Variants in PKD1L1 observed in about 807,000 individuals in gnomAD.
PKD1L1 encodes polycystin-1-like protein 1.
PKD1L1 carries 236 observed loss-of-function variants against 323.4 expected under a neutral mutation model. The ratio of observed to expected loss-of-function variants is 0.73; its 90% CI spans 0.66 to 0.81. PKD1L1 has a LOEUF of 0.81. PKD1L1 is among the 40% of genes least tolerant of loss of function. The probability of loss-of-function intolerance (pLI) is 0.00; values close to 1 mark genes in which losing one functional copy is unlikely to be tolerated. For missense variants in PKD1L1, 3,320 were observed against 3,508.0 expected (o/e 0.95, Z 1.35); for synonymous variants, 1,344 against 1,335.0 (o/e 1.01, Z -0.15).
chr7:47,866,798 T>C (rs1382877075), intron 24 of PKD1L1, among the ~76,000 whole-genome samples, 184 bp from the exon 25 acceptor site: 3 of 152,116 alleles, frequency 2.0e-5, no homozygotes, highest in Non-Finnish European at 4.4e-5. Flanking sequence ...CTGTAAGTCA[T>C]AATATAAAAT....
At chr7:47,922,180 C>T (rs1005976633) in intron 7 of PKD1L1, among the ~76,000 whole-genome samples, 5 of 152,236 alleles carry the variant, frequency 3.3e-5, no homozygotes, top group Non-Finnish European at 7.3e-5. Context: ...TCCCGAGGTG[C>T]CGGGATTGCA....
intron 44 of PKD1L1, 63 bp from the exon 45 acceptor site, chr7:47,827,531 GC>G: frequency 3.6e-6 from 5 of 1,399,062 alleles, no homozygotes; most frequent in Non-Finnish European, 4.9e-6. Context: ...GGCCCCTGGT[GC>G]TCCTGCCAAG....
At chr7:47,916,692 T>C (rs904008232) in intron 7 of PKD1L1, among the ~76,000 whole-genome samples, 2 of 152,150 alleles carry the variant, frequency 1.3e-5, no homozygotes, top group South Asian at 4.1e-4. Context: ...TGGAATCTGG[T>C]AGACTCGCTG....
chr7:47,812,010 A>G lies in PKD1L1; in HGVS notation c.7388T>C (p.Met2463Thr), dbSNP rs1784908329. 1 of 1,582,980 alleles carries G rather than the reference A, an allele frequency of 6.3e-7. No homozygotes were observed. Among genetic ancestry groups the G allele is most frequent in the Non-Finnish European group, 8.6e-7 (1 of 1,164,456 alleles). The part of the protein sequence containing the change: ...HTALSRLRAS[M>T]WIDRSTRAVS... ...AGCCCTGGTGCTGCGGTCAATCCAC[A>G]TGCTGGCCCTGAGTCGGGACAGGGC... The change falls in exon 50 of 57, where the codon ATG (methionine) becomes ACG (threonine). Residue 2463 changes from methionine to threonine, a missense_variant. Met to Thr is a moderately conservative substitution (Grantham distance 81). Transcript: ENST00000289672.
intron 52 of PKD1L1, among the ~76,000 whole-genome samples, chr7:47,805,094 CA>C (rs1784749452): frequency 1.1e-5 from 1 of 89,600 alleles, no homozygotes; most frequent in Non-Finnish European, 2.5e-5. Context: ...AATACACACA[CA>C]CACACACACA....
intron 32 of PKD1L1, among the ~76,000 whole-genome samples, chr7:47,846,427 T>C: frequency 6.6e-6 from 1 of 152,024 alleles, no homozygotes; most frequent in Non-Finnish European, 1.5e-5. Flanking sequence ...CTGTGGAGGG[T>C]CCTCTGAAGA....
At chr7:47,854,212 G>A (rs1211778559) in intron 30 of PKD1L1, among the ~76,000 whole-genome samples, 2 of 152,084 alleles carry the variant, frequency 1.3e-5, no homozygotes, top group African/African-American at 4.8e-5. Context: ...CCTTGCTCAC[G>A]AGAACCCTTT....
intron 13 of PKD1L1, among the ~76,000 whole-genome samples, chr7:47,901,274 G>A (rs2128750453): frequency 7.1e-6 from 1 of 141,092 alleles, no homozygotes; most frequent in Middle Eastern, 3.9e-3. Flanking sequence ...GGAGGCAGAG[G>A]TTATAGTGAG....
At chr7:47,858,106 A>G (rs779804575) in intron 27 of PKD1L1, among the ~76,000 whole-genome samples, 1 of 152,134 alleles carries the variant, frequency 6.6e-6, no homozygotes, top group Non-Finnish European at 1.5e-5. Context: ...CATCCGTTAA[A>G]TAAGCCAGCA....
intron 50 of PKD1L1, among the ~76,000 whole-genome samples, chr7:47,810,336 T>A (rs1584958678): frequency 6.6e-6 from 1 of 152,188 alleles, no homozygotes; most frequent in Admixed American, 6.5e-5. Context: ...GGAAAACTGA[T>A]CCTGCCATTG....
intron 28 of PKD1L1, among the ~76,000 whole-genome samples, chr7:47,855,959 C>T (rs1785895345): frequency 6.7e-6 from 1 of 149,698 alleles, no homozygotes; most frequent in Admixed American, 6.7e-5. Flanking sequence ...TCATAGAAAT[C>T]ATATTTCAGG....
chr7:47,902,086 T>C (rs1223253914), intron 13 of PKD1L1, among the ~76,000 whole-genome samples: 1 of 142,772 alleles, frequency 7.0e-6, no homozygotes, highest in Non-Finnish European at 1.5e-5. Flanking sequence ...CTCCTTAAAG[T>C]GAGCTGTGCT....
chr7:47,828,201 C>A (rs921518071), intron 44 of PKD1L1, among the ~76,000 whole-genome samples: 1 of 152,094 alleles, frequency 6.6e-6, no homozygotes, highest in African/African-American at 2.4e-5. Context: ...TGTAGGGGGG[C>A]ACCCCAACTC....
At position 47,827,477 on chromosome 7, in the gene PKD1L1, G is replaced by T; in HGVS notation, c.6736-9C>A. ...TGTCGGGCAGCCAAGACCTGTCAGG[G>T]ACAAGAGTGCTGTGAGCTGCGGGCT... is the stretch of plus-strand genomic sequence containing the variant. On this transcript the variant is annotated splice_polypyrimidine_tract_variant and intron_variant, in intron 44 of 56. Transcript: ENST00000289672. The T allele has an allele frequency of 1.9e-6, 3 of 1,603,168 alleles. No homozygotes were observed. The highest frequency in any genetic ancestry group is 1.1e-5 in the South Asian group (1 of 89,940).
rs75305366 is a variant in PKD1L1 at position 47,936,897 on chromosome 7, A to G, written c.347T>C (p.Val116Ala). ...AGGCGCCTGTGTTTTTTCATTAACAACAGCCTGTGTTTTTTCATTAACAAC... is the reference window on the plus strand; with the variant it reads ...AGGCGCCTGTGTTTTTTCATTAACAGCAGCCTGTGTTTTTTCATTAACAAC... ...LSVVNEKTQA[V>A]VNEKTQAPLD... The change falls in exon 4 of 57, where the codon GTT (valine) becomes GCT (alanine). Residue 116 changes from valine to alanine, a missense_variant. Transcript: ENST00000289672. 1.2e-6 allele frequency: 2 copies of G among 1,613,678 alleles called. No individual in the cohort carries two copies. The highest frequency in any genetic ancestry group is 2.7e-5 in the African/African-American group (2 of 74,908).
At chr7:47,851,905 C>T (rs961622712) in intron 31 of PKD1L1, among the ~76,000 whole-genome samples, 1 of 152,072 alleles carries the variant, frequency 6.6e-6, no homozygotes, top group African/African-American at 2.4e-5. Flanking sequence ...CAACAAAATG[C>T]ATTCATGAAC....
At position 47,876,109 on chromosome 7, in the gene PKD1L1, C is replaced by T; in HGVS notation, c.3772G>A (p.Asp1258Asn). The T allele has an allele frequency of 6.2e-7, 1 of 1,614,050 alleles. No individual in the cohort carries two copies. ...CACCATAGCTTACCTTTGTAATTGT[C>T]CAAGTGCTCACCAGCTGGCAACACA... ...YFVLPAGEHL[D>N]NYKVMVSTEI... Residue 1258 changes from aspartate (D) to asparagine (N), a missense_variant, in exon 23 of 57, where the codon GAC becomes AAC. Transcript: ENST00000289672.
intron 23 of PKD1L1, among the ~76,000 whole-genome samples, chr7:47,874,254 A>G (rs1342927768): frequency 6.6e-6 from 1 of 152,150 alleles, no homozygotes; most frequent in Non-Finnish European, 1.5e-5. Flanking sequence ...CCTAGAAAAA[A>G]GGTGAAGAAT....
At chr7:47,959,449 A>G in the PKD1L1 span, among the ~76,000 whole-genome samples, 1 of 138,068 alleles carries the variant, frequency 7.2e-6, no homozygotes, top group Non-Finnish European at 1.6e-5. Flanking sequence ...ATCGTCTGAG[A>G]TGTGGGGAGC....
Sources: allele counts gnomAD v4.1 joint callset (sites outside exome capture counted in the v4.1 genomes callset), GRCh38; gene constraint gnomAD v4.1.1; transcripts MANE v1.5; gene names NCBI Gene and HGNC (gene_info 2026-07-23, HGNC 2026-07-21).